CNTN5: variants seen among roughly 807,000 people sequenced by gnomAD.
CNTN5 encodes contactin 5.
In CNTN5, 77 loss-of-function variants were observed where a neutral mutation model predicts 129.1. The ratio of observed to expected loss-of-function variants is 0.60; its 90% CI spans 0.50 to 0.72. The LOEUF (loss-of-function observed/expected upper bound fraction) is 0.72, where lower values mean the gene tolerates loss of function less well. Ranked by LOEUF, CNTN5 falls within the 30% of genes least tolerant of loss-of-function variation. CNTN5 has a pLI of 0.00. For missense variants in CNTN5, 1,478 were observed against 1,328.8 expected (o/e 1.11, Z -1.75); for synonymous variants, 509 against 465.6 (o/e 1.09, Z -1.20).
intron 8 of CNTN5, among the ~76,000 whole-genome samples, chr11:99,981,105 C>CAT (rs796723672): frequency 0.12 from 8,129 of 66,042 alleles, 863 homozygotes; most frequent in East Asian, 0.48. Flanking sequence ...TATATATATA[C>CAT]ACACACACAC....
At chr11:99,271,135 A>C (rs976959400) in intron 1 of CNTN5, among the ~76,000 whole-genome samples, 6 of 151,930 alleles carry the variant, frequency 3.9e-5, no homozygotes, top group Admixed American at 1.3e-4. Flanking sequence ...AACAAAAATA[A>C]TCTTATGTTG....
At chr11:100,159,478 G>C (rs774801149) in intron 13 of CNTN5, among the ~76,000 whole-genome samples, 5 of 151,794 alleles carry the variant, frequency 3.3e-5, no homozygotes, top group Non-Finnish European at 7.4e-5. Flanking sequence ...TACTTCTGCT[G>C]TTGAGCTTTA....
At chr11:99,973,343 A>T (rs1254318908) in intron 8 of CNTN5, among the ~76,000 whole-genome samples, 1 of 152,146 alleles carries the variant, frequency 6.6e-6, no homozygotes, top group Non-Finnish European at 1.5e-5. Context: ...CCTTTAAGGT[A>T]ATTATAGAAA....
At chr11:99,863,520 C>T (rs542785951) in intron 6 of CNTN5, among the ~76,000 whole-genome samples, 36 of 151,974 alleles carry the variant, frequency 2.4e-4, no homozygotes, top group African/African-American at 9.6e-5. Context: ...AGTAAGAAAC[C>T]GGGAACATCA....
chr11:99,861,874 T>C (rs752260388), intron 6 of CNTN5, among the ~76,000 whole-genome samples: 3 of 152,322 alleles, frequency 2.0e-5, no homozygotes, highest in Non-Finnish European at 4.4e-5. Context: ...TTATACCTAC[T>C]GTTGTTGTGA....
chr11:99,165,306 A>G (rs1007487928), intron 1 of CNTN5, among the ~76,000 whole-genome samples: 34 of 152,212 alleles, frequency 2.2e-4, no homozygotes, highest in African/African-American at 8.2e-4. Context: ...AAATTTACTA[A>G]GTAAGCAATA....
In CNTN5 at chr11:100,043,014, T is replaced by A. The variant is rs139039514; in HGVS notation, c.981-18198T>A. Reference sequence around the variant, plus strand: ...TCTCCATTCATTCTTCTAGTGTAGCTAAAATCAGTCCTTTGTTTGTGCTTG... The same window carrying A: ...TCTCCATTCATTCTTCTAGTGTAGCAAAAATCAGTCCTTTGTTTGTGCTTG... On this transcript the variant is annotated intron_variant, in intron 9 of 24. Coordinates refer to ENST00000524871, the MANE Select transcript of CNTN5 (RefSeq NM_014361.4). Among the ~76,000 whole-genome samples, 635 of 149,160 alleles carry A rather than the reference T, an allele frequency of 4.3e-3. 5 individuals carry two copies. Among genetic ancestry groups the A allele is most frequent in the African/African-American group, 0.015 (608 of 41,026 alleles).
intron 1 of CNTN5, among the ~76,000 whole-genome samples, chr11:99,048,378 G>A (rs115577747): frequency 1.8e-3 from 267 of 152,082 alleles, no homozygotes; most frequent in African/African-American, 5.9e-3. Flanking sequence ...AAAACAAAAA[G>A]CACATTAATC....
chr11:100,146,407 A>C (rs954426590), intron 13 of CNTN5, among the ~76,000 whole-genome samples: 4 of 152,260 alleles, frequency 2.6e-5, no homozygotes, highest in African/African-American at 9.6e-5. Context: ...CACACACACA[A>C]AATTTAAATA....
At chr11:99,329,914 GACACAC>G (rs58544462) in intron 2 of CNTN5, among the ~76,000 whole-genome samples, 33,282 of 140,050 alleles carry the variant, frequency 0.24, 3,922 homozygotes, top group Non-Finnish European at 0.25. Context: ...TACAAGCAGT[GACACAC>G]ACACACACAC....
In CNTN5 at chr11:99,405,159, C is replaced by T. The variant is rs554495825; in HGVS notation, c.-71+79675C>T. ...CTGCTTTAAGGATCATTTCTTTATT[C>T]TTGACCTTTGGGATTTTAATTATTA... On this transcript the variant is annotated intron_variant, in intron 2 of 24. Coordinates refer to ENST00000524871, the MANE Select transcript of CNTN5 (RefSeq NM_014361.4). Among the ~76,000 whole-genome samples, 36 of 152,170 alleles carry T rather than the reference C, an allele frequency of 2.4e-4. No homozygotes were observed. The East Asian group carries it at 5.8e-3, about 25-fold the overall frequency.
chr11:99,480,553 T>C (rs898153961), intron 2 of CNTN5, among the ~76,000 whole-genome samples: 1 of 152,200 alleles, frequency 6.6e-6, no homozygotes, highest in Admixed American at 6.5e-5. Flanking sequence ...ACATTTGCTA[T>C]TAATTTTACC....
At chr11:99,863,553 G>A (rs1268202525) in intron 6 of CNTN5, among the ~76,000 whole-genome samples, 1 of 152,056 alleles carries the variant, frequency 6.6e-6, no homozygotes, top group Non-Finnish European at 1.5e-5. Context: ...TCTCAGTAAT[G>A]TCATTTACCT....
intron 2 of CNTN5, among the ~76,000 whole-genome samples, chr11:99,415,731 A>G (rs182849673): frequency 2.0e-5 from 3 of 152,220 alleles, no homozygotes; most frequent in South Asian, 2.1e-4. Context: ...CTGGGCCCCA[A>G]TAAGACCTAG....
At chr11:99,914,539 A>C (rs1487307614) in intron 6 of CNTN5, among the ~76,000 whole-genome samples, 1 of 152,140 alleles carries the variant, frequency 6.6e-6, no homozygotes, top group African/African-American at 2.4e-5. Context: ...TTGTAGGTAC[A>C]TATATTTGAA....
intron 21 of CNTN5, among the ~76,000 whole-genome samples, chr11:100,329,748 C>T (rs1951864890): frequency 6.6e-6 from 1 of 152,206 alleles, no homozygotes; most frequent in Non-Finnish European, 1.5e-5. Flanking sequence ...GTTCAGTTCT[C>T]AGGAACCCTT....
chr11:99,694,229 G>A (rs193029996), intron 3 of CNTN5, among the ~76,000 whole-genome samples: 1 of 152,184 alleles, frequency 6.6e-6, no homozygotes, highest in Admixed American at 6.5e-5. Context: ...TCAGGGCTGT[G>A]CAAACTTCAG....
rs972142184 is a variant in CNTN5, at chr11:99,440,666, T to C, written c.-71+115182T>C. On this transcript the variant is annotated intron_variant, in intron 2 of 24. Transcript: ENST00000524871. ...TTTCTTCTTCATTCTTTTCCATTCT[T>C]ACATAACTTTTTTTTTTCTGGATGC... is the stretch of plus-strand genomic sequence containing the variant. Among the ~76,000 whole-genome samples the C allele has an allele frequency of 2.0e-5, 3 of 151,110 alleles. No individual in the cohort carries two copies. In the Admixed American group the frequency reaches 2.0e-4, roughly 10 times the overall value.
intron 1 of CNTN5, among the ~76,000 whole-genome samples, chr11:99,195,003 A>C: frequency 6.6e-6 from 1 of 152,306 alleles, no homozygotes; most frequent in Admixed American, 6.5e-5. Context: ...ACAGCCCCCA[A>C]TGATTCAAAG....
Sources: allele counts gnomAD v4.1 joint callset (sites outside exome capture counted in the v4.1 genomes callset), GRCh38; gene constraint gnomAD v4.1.1; transcripts MANE v1.5; gene names NCBI Gene and HGNC (gene_info 2026-07-23, HGNC 2026-07-21).